ZFP82: variants seen among roughly 807,000 people sequenced by gnomAD.
ZFP82 encodes the protein zinc finger protein 82 homolog.
ZFP82 carries 30 observed loss-of-function variants against 54.0 expected under a neutral mutation model. The observed-to-expected ratio is 0.56, with a 90% CI of 0.42 to 0.75. The LOEUF (loss-of-function observed/expected upper bound fraction) is 0.75. Ranked by LOEUF, ZFP82 falls within the 30% of genes least tolerant of loss-of-function variation. The probability of loss-of-function intolerance (pLI) is 0.00; values close to 1 mark genes in which losing one functional copy is unlikely to be tolerated. For missense variants in ZFP82, 500 were observed against 636.8 expected (o/e 0.79, Z 2.31); for synonymous variants, 194 against 209.5 (o/e 0.93, Z 0.64).
At chr19:36,415,248 T>C (rs1189707547) in intron 1 of ZFP82, among the ~76,000 whole-genome samples, 1 of 152,128 alleles carries the variant, frequency 6.6e-6, no homozygotes, top group Non-Finnish European at 1.5e-5. Context: ...AAGCAAACAT[T>C]AGAATAGTAA....
chr19:36,403,470 A>C (rs2032427768), intron 4 of ZFP82, among the ~76,000 whole-genome samples: 1 of 151,686 alleles, frequency 6.6e-6, no homozygotes, highest in Admixed American at 6.6e-5. Flanking sequence ...AATACAAAAA[A>C]TTAGCCAGGC....
At chr19:36,396,262 A>T (rs936707593) in intron 4 of ZFP82, among the ~76,000 whole-genome samples, 8 of 151,874 alleles carry the variant, frequency 5.3e-5, no homozygotes, top group African/African-American at 1.9e-4. Flanking sequence ...CACACCTGTA[A>T]TCCCAGCACT....
At chr19:36,409,222 A>C (rs1052243595) in intron 2 of ZFP82, among the ~76,000 whole-genome samples, 3 of 152,122 alleles carry the variant, frequency 2.0e-5, no homozygotes, top group African/African-American at 7.2e-5. Flanking sequence ...ATCTTATGAT[A>C]TACTGAGGCT....
chr19:36,407,819 A>G, intron 3 of ZFP82, 68 bp downstream of exon 3: 1 of 1,536,102 alleles, frequency 6.5e-7, no homozygotes. Flanking sequence ...GATACTCTTG[A>G]AATTTCCACA....
rs1447922250 is a variant in ZFP82, at chr19:36,388,742, C to A, written c.*3999G>T. On this transcript the variant is annotated 3_prime_UTR_variant, in exon 5 of 5. Transcript: ENST00000392161. ...TAGTCTGTTATTTTATTAACTATTC[C>A]ATTAATTTATTTGATCATATAAACT... 6.6e-6 allele frequency among the ~76,000 whole-genome samples: 1 copy of A among 151,910 alleles called. No homozygotes were observed. Among genetic ancestry groups the A allele is most frequent in the African/African-American group, 2.4e-5 (1 of 41,360 alleles).
chr19:36,398,934 A>G (rs1246184838), intron 4 of ZFP82, among the ~76,000 whole-genome samples: 18 of 152,188 alleles, frequency 1.2e-4, no homozygotes, highest in Non-Finnish European at 1.2e-4. Context: ...GTAGTATTAG[A>G]GTTATTAGTC....
At chr19:36,417,384 G>C (rs559965789) in intron 1 of ZFP82, among the ~76,000 whole-genome samples, 27 of 152,278 alleles carry the variant, frequency 1.8e-4, no homozygotes, top group Non-Finnish European at 3.2e-4. Flanking sequence ...GCTCTCGGGA[G>C]GGGACCTAGG....
Position 36,392,231 on chromosome 19 carries a change from A to G in ZFP82, c.*510T>C, listed in dbSNP as rs2032211431. ...CCTCTTCATGTGGTCTCTTCAGCAAAGTAGCCAGACTTTGTAACAAGACAG... is the reference window on the plus strand; with the variant it reads ...CCTCTTCATGTGGTCTCTTCAGCAAGGTAGCCAGACTTTGTAACAAGACAG... On this transcript the variant is annotated 3_prime_UTR_variant, in exon 5 of 5. Coordinates refer to ENST00000392161, the MANE Select transcript of ZFP82 (RefSeq NM_133466.4). The G allele has an allele frequency of 6.5e-6, 1 of 153,372 alleles. No homozygotes were observed. The highest frequency in any genetic ancestry group is 1.5e-5 in the Non-Finnish European group (1 of 68,698). The allele number at this position is 153,372 out of a possible 1,614,324, so 9.5% of individuals were successfully genotyped here.
Position 36,418,275 on chromosome 19 carries a change from T to C in ZFP82, c.-79+217A>G, listed in dbSNP as rs146753505. Among the ~76,000 whole-genome samples the C allele has an allele frequency of 5.3e-5, 8 of 151,910 alleles. 1 individual carries two copies. The East Asian group carries it at 1.6e-3, about 30-fold the overall frequency. Reference sequence around the variant, plus strand: ...GTGCAGAAACTGACCGAGGGCCATTTCTCTGCAGCTGGGCCCGGTGTGGGC... The same window carrying C: ...GTGCAGAAACTGACCGAGGGCCATTCCTCTGCAGCTGGGCCCGGTGTGGGC... On this transcript the variant is annotated intron_variant, in intron 1 of 4. Transcript: ENST00000392161.
At chr19:36,414,838 T>TTTC (rs1178518813) in intron 1 of ZFP82, among the ~76,000 whole-genome samples, 1 of 151,594 alleles carries the variant, frequency 6.6e-6, no homozygotes, top group African/African-American at 2.4e-5. Flanking sequence ...TTTTTTTTTT[T>TTTC]TTGAGACAGT....
downstream of ZFP82, among the ~76,000 whole-genome samples, chr19:36,386,684 T>C (rs1278542669): frequency 6.6e-6 from 1 of 152,192 alleles, no homozygotes. Context: ...ACGCCTGTAA[T>C]CCCAGCACTT....
Position 36,393,930 on chromosome 19 carries a change from T to A in ZFP82, c.410A>T (p.Tyr137Phe), listed in dbSNP as rs2032251817. ...AGATGGCATTTTCACACTACTGAAGTATCCTTCTTGAGGTCTCTCCTGTCC... is the reference window on the plus strand; with the variant it reads ...AGATGGCATTTTCACACTACTGAAGAATCCTTCTTGAGGTCTCTCCTGTCC... Reference protein sequence around the residue: ...IEGQERPQEGYFSSVKMPSEK... With the variant: ...IEGQERPQEGFFSSVKMPSEK... The change falls in exon 5 of 5, where the codon TAC becomes TTC. Residue 137 changes from tyrosine (Y) to phenylalanine (F), a missense_variant. Transcript: ENST00000392161. 1.2e-6 allele frequency: 2 copies of A among 1,614,186 alleles called. No homozygotes were observed. The highest frequency in any genetic ancestry group is 4.5e-5 in the East Asian group (2 of 44,880).
At chr19:36,395,192 C>T (rs2032273018) in intron 4 of ZFP82, 1 of 152,192 alleles carries the variant, frequency 6.6e-6, no homozygotes, top group Admixed American at 6.5e-5. Flanking sequence ...CTTCACATAG[C>T]TATGGGTAAC....
chr19:36,395,129 T>C (rs1212375761), intron 4 of ZFP82: 6 of 152,242 alleles, frequency 3.9e-5, no homozygotes, highest in African/African-American at 2.4e-5. Context: ...TATATTCCTA[T>C]GCATCTGCCA....
At chr19:36,414,121 C>G (rs1167158880) in intron 1 of ZFP82, among the ~76,000 whole-genome samples, 1 of 151,912 alleles carries the variant, frequency 6.6e-6, no homozygotes, top group Non-Finnish European at 1.5e-5. Context: ...AACATAGTCT[C>G]GATCTCCTGA....
In ZFP82 at chr19:36,390,290, C is replaced by T. The variant is rs777919372; in HGVS notation, c.*2451G>A. ...CTCCATACACTGTATTTGAAGGATACGTTTCTTAGTCTCCTTTAAAGTGTA... is the reference window on the plus strand; with the variant it reads ...CTCCATACACTGTATTTGAAGGATATGTTTCTTAGTCTCCTTTAAAGTGTA... On this transcript the variant is annotated 3_prime_UTR_variant, in exon 5 of 5. Coordinates refer to ENST00000392161, the MANE Select transcript of ZFP82 (RefSeq NM_133466.4). The T allele has an allele frequency of 5.4e-5, 8 of 148,308 alleles. No individual in the cohort carries two copies. The highest frequency in any genetic ancestry group is 3.6e-3 in the Middle Eastern group (1 of 280). The allele number at this position is 148,308 out of a possible 1,614,324, so 9.2% of individuals were successfully genotyped here.
intron 2 of ZFP82, among the ~76,000 whole-genome samples, chr19:36,408,959 T>G (rs966241762): frequency 6.6e-6 from 1 of 152,248 alleles, no homozygotes; most frequent in African/African-American, 2.4e-5. Context: ...TGACTACTTA[T>G]GTACCTGGAT....
intron 4 of ZFP82, among the ~76,000 whole-genome samples, chr19:36,404,079 A>G (rs573528655): frequency 1.6e-4 from 24 of 152,238 alleles, no homozygotes; most frequent in Middle Eastern, 3.4e-3. Flanking sequence ...CTCTTATTAC[A>G]AGGTAAATTT....
At chr19:36,407,312 G>A (rs192972686) in intron 3 of ZFP82, among the ~76,000 whole-genome samples, 7,114 of 151,832 alleles carry the variant, frequency 0.047, 419 homozygotes, top group African/African-American at 0.13. Flanking sequence ...TCCTGACCTC[G>A]TGATCCGCCC....
Sources: allele counts gnomAD v4.1 joint callset (sites outside exome capture counted in the v4.1 genomes callset), GRCh38; gene constraint gnomAD v4.1.1; transcripts MANE v1.5; gene names NCBI Gene and HGNC (gene_info 2026-07-23, HGNC 2026-07-21).